CDHR3: variants seen among roughly 807,000 people sequenced by gnomAD.
The protein encoded by CDHR3 is cadherin-related family member 3.
CDHR3 carries 79 observed loss-of-function variants against 86.6 expected under a neutral mutation model. The observed-to-expected ratio is 0.91, with a 90% CI of 0.76 to 1.10. The LOEUF (loss-of-function observed/expected upper bound fraction) is 1.10. CDHR3 is among the 50% of genes least tolerant of loss of function. CDHR3 has a pLI of 0.00. For missense variants in CDHR3, 1,081 were observed against 1,077.6 expected (o/e 1.00, Z -0.04); for synonymous variants, 421 against 402.4 (o/e 1.05, Z -0.55).
rs1563311661 is a variant in CDHR3, at chr7:106,028,915, A to ATTTTCTTTCTTTCTTTCT, written c.2304+336_2304+353dup. ...TGCTTCAGCCTCCAGTGAGATTTAAATTTTCTTTCTTTCTTTCTTTCTTTC... is the reference window on the plus strand; with the variant it reads ...TGCTTCAGCCTCCAGTGAGATTTAAATTTTCTTTCTTTCTTTCTTTTTCTTTCTTTCTTTCTTTCTTTC... On this transcript the variant is annotated intron_variant, in intron 17 of 18. Transcript: ENST00000317716. Among the ~76,000 whole-genome samples the ATTTTCTTTCTTTCTTTCT allele has an allele frequency of 7.4e-3, 850 of 115,420 alleles. 27 individuals carry two copies. Among genetic ancestry groups the ATTTTCTTTCTTTCTTTCT allele is most frequent in the Middle Eastern group, 9.2e-3 (2 of 218 alleles). 75.7% of individuals were successfully genotyped at this position (115,420 alleles called of 152,430 possible).
chr7:106,032,156 A>G (rs970832853), intron 18 of CDHR3, among the ~76,000 whole-genome samples: 2 of 152,216 alleles, frequency 1.3e-5, no homozygotes. Context: ...AAGCCTTTCT[A>G]TCCAGAGAGG....
chr7:106,016,045 C>T lies in CDHR3; in HGVS notation c.1426+20C>T, dbSNP rs1445620348. 1.1e-5 allele frequency: 16 copies of T among 1,522,128 alleles called. No individual in the cohort carries two copies. Among genetic ancestry groups the T allele is most frequent in the East Asian group, 2.3e-5 (1 of 44,368 alleles). 94.3% of individuals were successfully genotyped at this position (1,522,128 alleles called of 1,614,324 possible). A position where few individuals can be genotyped will look rare whatever the true frequency, so the allele number is the denominator to read the frequency against. On this transcript the variant is annotated intron_variant, in intron 11 of 18. Coordinates refer to ENST00000317716, the MANE Select transcript of CDHR3 (RefSeq NM_152750.5). Reference sequence around the variant, plus strand: ...GGCCCGGTAAGTAACAGATAAGACACAGACCAGAGTGCTGTCAATGGACTC... The same window carrying T: ...GGCCCGGTAAGTAACAGATAAGACATAGACCAGAGTGCTGTCAATGGACTC...
intron 6 of CDHR3, among the ~76,000 whole-genome samples, chr7:105,997,799 C>CAG (rs150886389): frequency 1.5e-4 from 22 of 150,940 alleles, no homozygotes; most frequent in Admixed American, 7.9e-4. Flanking sequence ...TGACTTTTAG[C>CAG]AGAGAGAGAG....
intron 9 of CDHR3, among the ~76,000 whole-genome samples, chr7:106,014,742 A>G (rs1835323239): frequency 1.3e-5 from 2 of 152,344 alleles, no homozygotes; most frequent in South Asian, 2.1e-4. Context: ...AGTAACTGAA[A>G]CTGTCAAAAG....
At chr7:106,005,412 C>A (rs573170989) in intron 8 of CDHR3, among the ~76,000 whole-genome samples, 22 of 152,302 alleles carry the variant, frequency 1.4e-4, no homozygotes, top group African/African-American at 4.6e-4. Flanking sequence ...TTAGTACTTG[C>A]CCATATTAGC....
chr7:106,027,790 A>T (rs1375973682), intron 16 of CDHR3: 1 of 348,832 alleles, frequency 2.9e-6, no homozygotes, highest in Non-Finnish European at 5.7e-6. Context: ...TGATTTTAAT[A>T]AATGAGATTT....
intron 17 of CDHR3, among the ~76,000 whole-genome samples, chr7:106,028,841 C>T (rs1036261901): frequency 6.6e-6 from 1 of 152,204 alleles, no homozygotes; most frequent in African/African-American, 2.4e-5. Flanking sequence ...TCTATACCAG[C>T]TCTCCACGAG....
chr7:105,997,921 T>C (rs1409290306), intron 6 of CDHR3, among the ~76,000 whole-genome samples: 1 of 151,806 alleles, frequency 6.6e-6, no homozygotes, highest in African/African-American at 2.4e-5. Context: ...CCCAAGCAGA[T>C]AGCATGATCT....
chr7:105,967,741 C>T (rs1224164077), intron 1 of CDHR3, among the ~76,000 whole-genome samples: 1 of 152,210 alleles, frequency 6.6e-6, no homozygotes, highest in Non-Finnish European at 1.5e-5. Flanking sequence ...CTGTTGGCTG[C>T]ATAAATGTCT....
intron 7 of CDHR3, 114 bp from the exon 8 acceptor site, chr7:106,004,384 T>C: frequency 1.3e-6 from 1 of 774,110 alleles, no homozygotes; most frequent in Non-Finnish European, 2.1e-6. Context: ...ATAGAGATTA[T>C]GCTCTGCATA....
At chr7:106,022,774 C>T (rs1044300826) in intron 14 of CDHR3, among the ~76,000 whole-genome samples, 4 of 152,170 alleles carry the variant, frequency 2.6e-5, no homozygotes, top group African/African-American at 9.7e-5. Flanking sequence ...CATGGGCATG[C>T]TGCCAGTTGC....
intron 1 of CDHR3, among the ~76,000 whole-genome samples, chr7:105,974,280 C>A (rs141446533): frequency 1.3e-5 from 2 of 152,184 alleles, no homozygotes; most frequent in Non-Finnish European, 2.9e-5. Context: ...TACTGCTTGG[C>A]CCTCTGCATG....
chr7:105,982,431 T>C (rs530426397), intron 3 of CDHR3, among the ~76,000 whole-genome samples: 1 of 138,440 alleles, frequency 7.2e-6, no homozygotes, highest in Non-Finnish European at 1.5e-5. Context: ...ATTGCTCCAC[T>C]GCACTCCAGC....
At chr7:106,024,765 G>A (rs955260262) in intron 15 of CDHR3, among the ~76,000 whole-genome samples, 3 of 152,182 alleles carry the variant, frequency 2.0e-5, no homozygotes, top group African/African-American at 7.2e-5. Context: ...GCTAGGCCAG[G>A]AAACCATCCT....
chr7:106,003,334 G>C (rs117535031), intron 7 of CDHR3, among the ~76,000 whole-genome samples: 438 of 152,144 alleles, frequency 2.9e-3, no homozygotes, highest in Non-Finnish European at 4.8e-3. Context: ...CAGACTGATG[G>C]GAGTTATTTT....
At chr7:105,996,143 AGGGGCAG>A in intron 5 of CDHR3, 100 bp from the exon 6 acceptor site, 2 of 631,816 alleles carry the variant, frequency 3.2e-6, no homozygotes, top group Non-Finnish European at 5.8e-6. Flanking sequence ...TCACCACCAA[AGGGGCAG>A]GGTCTGCTCT....
At chr7:105,985,548 C>T (rs1240437105) in intron 4 of CDHR3, among the ~76,000 whole-genome samples, 1 of 151,868 alleles carries the variant, frequency 6.6e-6, no homozygotes, top group African/African-American at 2.4e-5. Context: ...TTGGGAATAC[C>T]AGGACGAATA....
At chr7:105,985,377 C>A (rs1830380965) in intron 4 of CDHR3, among the ~76,000 whole-genome samples, 1 of 152,188 alleles carries the variant, frequency 6.6e-6, no homozygotes. Context: ...CCCCACTAAC[C>A]TTGGAGCAGG....
At chr7:106,026,620 ATG>A in intron 15 of CDHR3, 60 bp from the exon 16 acceptor site, 1 of 1,571,320 alleles carries the variant, frequency 6.4e-7, no homozygotes, top group Non-Finnish European at 8.8e-7. Flanking sequence ...CCATGGTGTC[ATG>A]TGTGTGCCAG....
Sources: gnomAD v4.1 joint callset for allele counts (sites outside exome capture counted in the v4.1 genomes callset) on GRCh38, gnomAD v4.1.1 for gene constraint, MANE v1.5 for transcripts, NCBI Gene and HGNC (gene_info 2026-07-23, HGNC 2026-07-21) for gene names.